The following TRIM27 variants were observed in gnomAD, a reference collection of about 807,000 sequenced individuals.
TRIM27 encodes tripartite motif containing 27, also known as zinc finger protein RFP.
In TRIM27, 12 loss-of-function variants were observed where a neutral mutation model predicts 57.6. The observed-to-expected ratio is 0.21, with a 90% CI of 0.13 to 0.34. TRIM27 has a LOEUF of 0.34. Among genes scored for constraint, TRIM27 ranks in the 10% least tolerant of loss-of-function variants. TRIM27 has a pLI of 1.00. For missense variants in TRIM27, 403 were observed against 656.8 expected (o/e 0.61, Z 4.22); for synonymous variants, 266 against 259.0 (o/e 1.03, Z -0.26).
At chr6:28,921,042 C>T (rs886330323) in intron 2 of TRIM27, among the ~76,000 whole-genome samples, 1 of 152,110 alleles carries the variant, frequency 6.6e-6, no homozygotes, top group Non-Finnish European at 1.5e-5. Flanking sequence ...CGTTCTTCAC[C>T]CAACCCCCAC....
At position 28,923,669 on chromosome 6, in the gene TRIM27, G is replaced by A. The variant is rs1774246158; in HGVS notation, c.-37C>T. 3 of 1,498,362 alleles carry A rather than the reference G, an allele frequency of 2.0e-6. No homozygotes were observed. The highest frequency in any genetic ancestry group is 2.6e-5 in the South Asian group (2 of 77,022). 92.8% of individuals were successfully genotyped at this position (1,498,362 alleles called of 1,614,324 possible). ...GCGGGGGCGCACGGGCATGGGCCCC[G>A]GCGCCGAGCTCTGCACTGAGCCCAA... On this transcript the variant is annotated 5_prime_UTR_variant, in exon 1 of 8. Coordinates refer to ENST00000377199, the MANE Select transcript of TRIM27 (RefSeq NM_006510.5).
At chr6:28,907,174 T>C in intron 7 of TRIM27, 62 bp downstream of exon 7, 5 of 1,441,750 alleles carry the variant, frequency 3.5e-6, no homozygotes, top group South Asian at 1.2e-5. Flanking sequence ...TTCATAATAG[T>C]AGTTAGGTTC....
Position 28,903,119 on chromosome 6 carries a change from A to G in TRIM27, c.*951T>C, listed in dbSNP as rs1772508888. On this transcript the variant is annotated 3_prime_UTR_variant, in exon 8 of 8. Transcript: ENST00000377199. The stretch of plus-strand genomic sequence containing the variant: ...ATCTGCCCCAGCCTTCTGACTTCAG[A>G]GTGTCTCATGATCCAATGGCCATGG... The G allele has an allele frequency of 4.3e-6, 1 of 231,410 alleles. No homozygotes were observed. Among genetic ancestry groups the G allele is most frequent in the Non-Finnish European group, 8.5e-6 (1 of 117,018 alleles). The allele number at this position is 231,410 out of a possible 1,614,324, so 14.3% of individuals were successfully genotyped here.
intron 3 of TRIM27, among the ~76,000 whole-genome samples, chr6:28,913,439 CCTCT>C (rs1171481384): frequency 1.3e-5 from 2 of 151,578 alleles, no homozygotes; most frequent in Admixed American, 6.6e-5. Context: ...ATCTCTCCTC[CCTCT>C]ACCCTTCCTA....
At chr6:28,920,334 C>T (rs1418236845) in intron 2 of TRIM27, 92 bp from the exon 3 acceptor site, 1 of 1,087,834 alleles carries the variant, frequency 9.2e-7, no homozygotes, top group Non-Finnish European at 1.3e-6. Flanking sequence ...CCCAAGACCT[C>T]ATTATGGATT....
rs1389311765 is a variant in TRIM27 at position 28,903,034 on chromosome 6, A to AG, written c.*1035dup. On this transcript the variant is annotated 3_prime_UTR_variant, in exon 8 of 8. Transcript: ENST00000377199. Reference sequence around the variant, plus strand: ...CCATATTCAGTTTATTTTTAAACAGAGGGGCACGTACCCACAGAGAAGCAG... The same window carrying AG: ...CCATATTCAGTTTATTTTTAAACAGAGGGGGCACGTACCCACAGAGAAGCAG... The AG allele has an allele frequency of 4.5e-6, 1 of 221,722 alleles. No individual in the cohort carries two copies. Among genetic ancestry groups the AG allele is most frequent in the Admixed American group, 5.8e-5 (1 of 17,352 alleles). 13.7% of individuals were successfully genotyped at this position (221,722 alleles called of 1,614,324 possible).
chr6:28,915,398 C>G (rs1773531074), intron 3 of TRIM27: 1 of 151,344 alleles, frequency 6.6e-6, no homozygotes, highest in African/African-American at 2.4e-5. Context: ...CACCTGAGGT[C>G]AGGAGTTGAA....
intron 3 of TRIM27, among the ~76,000 whole-genome samples, chr6:28,917,941 C>T (rs1406170121): frequency 6.6e-6 from 1 of 151,972 alleles, no homozygotes; most frequent in African/African-American, 2.4e-5. Context: ...ATTCTCCTGC[C>T]TCAGCCTCCT....
At chr6:28,918,329 G>A (rs549009104) in intron 3 of TRIM27, among the ~76,000 whole-genome samples, 33 of 151,974 alleles carry the variant, frequency 2.2e-4, no homozygotes, top group Non-Finnish European at 4.1e-4. Context: ...TCATCTACTT[G>A]TGTAGTCTCC....
intron 3 of TRIM27, 143 bp downstream of exon 3, chr6:28,919,869 A>C: frequency 1.4e-6 from 1 of 692,194 alleles, no homozygotes; most frequent in African/African-American, 1.8e-5. Flanking sequence ...TTTCCTTCCA[A>C]GGTGCACAAT....
At chr6:28,906,373 T>C (rs1772771160) in intron 7 of TRIM27, 1 of 152,158 alleles carries the variant, frequency 6.6e-6, no homozygotes, top group Admixed American at 6.5e-5. Flanking sequence ...AGGCAACTGA[T>C]AGAGGTAACC....
intron 3 of TRIM27, among the ~76,000 whole-genome samples, chr6:28,913,581 G>A (rs1259985184): frequency 1.4e-5 from 2 of 141,678 alleles, no homozygotes; most frequent in African/African-American, 2.9e-5. Context: ...GCATATGAGT[G>A]TCTCTCCGAC....
intron 4 of TRIM27, among the ~76,000 whole-genome samples, chr6:28,910,123 G>GAAAAAAAAAAAAAA (rs9278120): frequency 2.0e-5 from 2 of 97,622 alleles, no homozygotes; most frequent in Non-Finnish European, 4.4e-5. Context: ...AAAGAAAAAT[G>GAAAAAAAAAAAAAA]AAAAAAAAAA....
At chr6:28,921,377 TAAAA>T (rs559386159) in intron 2 of TRIM27, among the ~76,000 whole-genome samples, 1 of 142,844 alleles carries the variant, frequency 7.0e-6, no homozygotes. Context: ...GACCCTGTCT[TAAAA>T]AAAAAAAAAA....
At chr6:28,907,478 G>T (rs1772850906) in intron 6 of TRIM27, 2 of 708,948 alleles carry the variant, frequency 2.8e-6, no homozygotes, top group African/African-American at 3.5e-5. Flanking sequence ...TTAAGTACAG[G>T]GATAACCACA....
chr6:28,913,597 G>C (rs184656231), intron 3 of TRIM27, among the ~76,000 whole-genome samples: 2 of 152,008 alleles, frequency 1.3e-5, no homozygotes, highest in Non-Finnish European at 2.9e-5. Flanking sequence ...CCGACACTTC[G>C]TCAAAAGTGT....
At chr6:28,921,148 AGGTG>A (rs1773998758) in intron 2 of TRIM27, among the ~76,000 whole-genome samples, 1 of 152,210 alleles carries the variant, frequency 6.6e-6, no homozygotes, top group Non-Finnish European at 1.5e-5. Context: ...TGGGAGGCTG[AGGTG>A]GGCGGATCAC....
intron 3 of TRIM27, among the ~76,000 whole-genome samples, chr6:28,913,298 T>C: frequency 6.7e-6 from 1 of 148,628 alleles, no homozygotes; most frequent in East Asian, 1.9e-4. Context: ...AATATACGTA[T>C]GTATATGTGT....
chr6:28,923,751 C>T lies in TRIM27; in HGVS notation c.-119G>A. 8.7e-7 allele frequency: 1 copy of T among 1,149,480 alleles called. No individual in the cohort carries two copies. Among genetic ancestry groups the T allele is most frequent in the Non-Finnish European group, 1.2e-6 (1 of 843,162 alleles). The allele number at this position is 1,149,480 out of a possible 1,614,324, so 71.2% of individuals were successfully genotyped here. A position where few individuals can be genotyped will look rare whatever the true frequency, so the allele number is the denominator to read the frequency against. On this transcript the variant is annotated 5_prime_UTR_variant, in exon 1 of 8. Transcript: ENST00000377199. ...TGAGAGGCACCGGGCGGACGGAGGG[C>T]GGCGCCTCCCGGGCCCGTATCCCAG...
Sources: allele counts gnomAD v4.1 joint callset (sites outside exome capture counted in the v4.1 genomes callset), GRCh38; gene constraint gnomAD v4.1.1; transcripts MANE v1.5; gene names NCBI Gene and HGNC (gene_info 2026-07-23, HGNC 2026-07-21).